ATP2B2: variants seen among roughly 807,000 people sequenced by gnomAD.
ATP2B2 encodes ATPase plasma membrane Ca2+ transporting 2, also known as plasma membrane calcium-transporting ATPase 2.
ATP2B2 carries 15 observed loss-of-function variants against 120.0 expected under a neutral mutation model. That is an observed-to-expected ratio of 0.12 (90% CI 0.08 to 0.19). The LOEUF is 0.19. Among genes scored for constraint, ATP2B2 ranks in the 10% least tolerant of loss-of-function variants. The probability of loss-of-function intolerance (pLI) is 1.00; values close to 1 mark genes in which losing one functional copy is unlikely to be tolerated. For missense variants in ATP2B2, 1,045 were observed against 1,719.8 expected (o/e 0.61, Z 6.94); for synonymous variants, 694 against 700.3 (o/e 0.99, Z 0.14).
At position 10,360,421 on chromosome 3, in the gene ATP2B2, A is replaced by G. The variant is rs574149584; in HGVS notation, c.1660-298T>C. On this transcript the variant is annotated intron_variant, in intron 12 of 22. Coordinates refer to ENST00000360273, the MANE Select transcript of ATP2B2 (RefSeq NM_001001331.4). Reference sequence around the variant, plus strand: ...CGTGCCTATCATCCAGCTTTGTAGCATCTTAACATTATGCCGTACTTGCCT... The same window carrying G: ...CGTGCCTATCATCCAGCTTTGTAGCGTCTTAACATTATGCCGTACTTGCCT... Among the ~76,000 whole-genome samples, 5 of 152,358 alleles carry G rather than the reference A, an allele frequency of 3.3e-5. No homozygotes were observed. In the South Asian group the frequency reaches 8.3e-4, roughly 25 times the overall value.
intron 2 of ATP2B2, among the ~76,000 whole-genome samples, chr3:10,580,793 G>A (rs1179450100): frequency 6.6e-6 from 1 of 152,188 alleles, no homozygotes; most frequent in East Asian, 1.9e-4. Flanking sequence ...ACCACAGCCT[G>A]TGGCCACATC....
At chr3:10,530,742 C>T (rs2067194566) in intron 3 of ATP2B2, among the ~76,000 whole-genome samples, 1 of 152,232 alleles carries the variant, frequency 6.6e-6, no homozygotes, top group South Asian at 2.1e-4. Context: ...TCCCATCCCC[C>T]AGCAAGGCCC....
intron 2 of ATP2B2, among the ~76,000 whole-genome samples, chr3:10,427,090 G>T (rs73115683): frequency 6.6e-6 from 1 of 152,138 alleles, no homozygotes; most frequent in Non-Finnish European, 1.5e-5. Flanking sequence ...ACCCAAGGCC[G>T]CACATCTAAA....
intron 3 of ATP2B2, among the ~76,000 whole-genome samples, chr3:10,516,990 TA>T (rs1300517182): frequency 1.3e-5 from 2 of 151,364 alleles, no homozygotes; most frequent in African/African-American, 4.9e-5. Context: ...GTGTGTTTCT[TA>T]AAAAAAGCCA....
At chr3:10,507,554 T>TC (rs2125428985), upstream of ATP2B2, among the ~76,000 whole-genome samples, 2 of 152,230 alleles carry the variant, frequency 1.3e-5, no homozygotes, top group Non-Finnish European at 2.9e-5. Flanking sequence ...CCATTGCACC[T>TC]CCCATCTGTT....
intron 3 of ATP2B2, among the ~76,000 whole-genome samples, chr3:10,405,048 C>T (rs1300099552): frequency 6.6e-6 from 1 of 152,192 alleles, no homozygotes; most frequent in East Asian, 1.9e-4. Flanking sequence ...TCGGAAAGAC[C>T]TAGTTCAAGT....
At chr3:10,625,444 G>T (rs1356653744) in intron 1 of ATP2B2, among the ~76,000 whole-genome samples, 3 of 152,136 alleles carry the variant, frequency 2.0e-5, no homozygotes, top group Non-Finnish European at 2.9e-5. Context: ...GCTGCCCCTG[G>T]CTCCCGCTGA....
intron 2 of ATP2B2, among the ~76,000 whole-genome samples, chr3:10,443,849 A>G (rs2063748172): frequency 6.6e-6 from 1 of 152,214 alleles, no homozygotes; most frequent in Non-Finnish European, 1.5e-5. Context: ...CTCACGGTCT[A>G]CAAAAGGCAG....
At position 10,345,351 on chromosome 3, in the gene ATP2B2, C is replaced by T. The variant is rs377096228; in HGVS notation, c.2703+33G>A. On this transcript the variant is annotated intron_variant, in intron 18 of 22. Coordinates refer to ENST00000360273, the MANE Select transcript of ATP2B2 (RefSeq NM_001001331.4). ...CCTCTGTGGGGGGTCTCCGCCCTCCCCCAGGCTTTGGTGTGGTCTCCTGCG... is the reference window on the plus strand; with the variant it reads ...CCTCTGTGGGGGGTCTCCGCCCTCCTCCAGGCTTTGGTGTGGTCTCCTGCG... 4.1e-5 allele frequency: 66 copies of T among 1,613,058 alleles called. No homozygotes were observed. In the African/African-American group the frequency reaches 4.5e-4, roughly 11 times the overall value.
At chr3:10,621,897 G>A (rs35268801) in intron 1 of ATP2B2, among the ~76,000 whole-genome samples, 94,212 of 152,138 alleles carry the variant, frequency 0.62, 32,177 homozygotes, top group Non-Finnish European at 0.76. Flanking sequence ...CTGTGCTCCC[G>A]GGCTGGCCCT....
At chr3:10,641,096 A>ACC (rs1575585046) in intron 1 of ATP2B2, among the ~76,000 whole-genome samples, 1 of 152,334 alleles carries the variant, frequency 6.6e-6, no homozygotes, top group East Asian at 1.9e-4. Flanking sequence ...ACCTTGGGAC[A>ACC]ACAATTGAAT....
chr3:10,588,116 C>T (rs959815023), intron 2 of ATP2B2, among the ~76,000 whole-genome samples: 1 of 152,176 alleles, frequency 6.6e-6, no homozygotes, highest in Non-Finnish European at 1.5e-5. Context: ...ATCACATGTT[C>T]ACCGTATTTC....
At chr3:10,658,969 C>A (rs1463031027) in intron 1 of ATP2B2, among the ~76,000 whole-genome samples, 2 of 152,102 alleles carry the variant, frequency 1.3e-5, no homozygotes, top group Non-Finnish European at 2.9e-5. Flanking sequence ...AATTTTCAAC[C>A]CAGAATTTCA....
At chr3:10,666,506 C>T (rs886182111) in intron 1 of ATP2B2, among the ~76,000 whole-genome samples, 2 of 152,252 alleles carry the variant, frequency 1.3e-5, no homozygotes, top group African/African-American at 4.8e-5. Context: ...CAACCAATCC[C>T]TCTTCTTCCA....
At chr3:10,567,241 G>A (rs1399454017) in intron 2 of ATP2B2, among the ~76,000 whole-genome samples, 1 of 152,156 alleles carries the variant, frequency 6.6e-6, no homozygotes, top group Non-Finnish European at 1.5e-5. Context: ...GAATTTAGGG[G>A]GCCACATGTT....
rs1470230912 is a variant in ATP2B2, at chr3:10,343,350, A to G, written c.2704-385T>C. Among the ~76,000 whole-genome samples the G allele has an allele frequency of 3.2e-5, 1 of 31,034 alleles. No individual in the cohort carries two copies. The highest frequency in any genetic ancestry group is 1.3e-4 in the African/African-American group (1 of 7,784). The allele number at this position is 31,034 out of a possible 152,430, so 20.4% of individuals were successfully genotyped here. On this transcript the variant is annotated intron_variant, in intron 18 of 22. Transcript: ENST00000360273. The surrounding 1 kb of genome is among the most constrained non-coding windows in gnomAD (Gnocchi z 4.2). Reference sequence around the variant, plus strand: ...GCATGGGCTCCTACCTCCTCCCCCCACTGCCTCCTCCCCCTCGGGCTTTCT... The same window carrying G: ...GCATGGGCTCCTACCTCCTCCCCCCGCTGCCTCCTCCCCCTCGGGCTTTCT...
At chr3:10,445,661 T>C (rs746654376) in intron 2 of ATP2B2, among the ~76,000 whole-genome samples, 6 of 152,358 alleles carry the variant, frequency 3.9e-5, no homozygotes, top group South Asian at 2.1e-4. Context: ...CAAACCCCAT[T>C]TGTCACTTTC....
chr3:10,539,435 A>G (rs1381650716), intron 2 of ATP2B2, among the ~76,000 whole-genome samples: 2 of 152,232 alleles, frequency 1.3e-5, no homozygotes, highest in Non-Finnish European at 2.9e-5. Context: ...AGCAAAAAGA[A>G]CAAAGCTGGA....
intron 3 of ATP2B2, among the ~76,000 whole-genome samples, chr3:10,409,953 G>T (rs528757020): frequency 1.3e-5 from 2 of 152,232 alleles, no homozygotes; most frequent in African/African-American, 2.4e-5. Flanking sequence ...CAGATGTCAG[G>T]GTCGCCCTCA....
Sources: gnomAD v4.1 joint callset for allele counts (sites outside exome capture counted in the v4.1 genomes callset) on GRCh38, gnomAD v4.1.1 for gene constraint, Gnocchi (gnomAD v3.1) non-coding constraint, MANE v1.5 for transcripts, NCBI Gene and HGNC (gene_info 2026-07-23, HGNC 2026-07-21) for gene names.